Variants in GALNTL6 observed in about 807,000 individuals in gnomAD.
GALNTL6 encodes polypeptide N-acetylgalactosaminyltransferase like 6.
In GALNTL6, 46 loss-of-function variants were observed where a neutral mutation model predicts 73.7. That is an observed-to-expected ratio of 0.62 (90% CI 0.49 to 0.80). The LOEUF (loss-of-function observed/expected upper bound fraction) is 0.80, where lower values mean the gene tolerates loss of function less well. Ranked by LOEUF, GALNTL6 falls within the 30% of genes least tolerant of loss-of-function variation. The pLI is 0.00. For missense variants in GALNTL6, 604 were observed against 755.0 expected (o/e 0.80, Z 2.34); for synonymous variants, 259 against 263.7 (o/e 0.98, Z 0.17).
intron 2 of GALNTL6, among the ~76,000 whole-genome samples, chr4:171,878,256 G>A (rs976172574): frequency 6.6e-6 from 1 of 152,088 alleles, no homozygotes; most frequent in African/African-American, 2.4e-5. Flanking sequence ...GATTATGTTG[G>A]GGCAATATGC....
chr4:172,738,161 A>G (rs998280689), intron 5 of GALNTL6, among the ~76,000 whole-genome samples: 2 of 152,198 alleles, frequency 1.3e-5, no homozygotes, highest in Non-Finnish European at 2.9e-5. Flanking sequence ...AAAATGGGGA[A>G]ATTTGTTGAC....
At chr4:172,405,431 ATATATATATATATTTTTTTTTTTTTTT>A (rs1360170921) in intron 5 of GALNTL6, among the ~76,000 whole-genome samples, 47 of 4,310 alleles carry the variant, frequency 0.011, 1 homozygote, top group South Asian at 0.081. Flanking sequence ...ATATATATAT[ATATATATATATATTTTTTTTTTTTTTT>A]TTTTTTTTCT....
chr4:172,296,608 T>C (rs1010361380), intron 3 of GALNTL6, among the ~76,000 whole-genome samples: 13 of 151,998 alleles, frequency 8.6e-5, no homozygotes, highest in African/African-American at 3.1e-4. Context: ...TGAGAACATG[T>C]GGTGTTTGGT....
intron 2 of GALNTL6, among the ~76,000 whole-genome samples, chr4:172,177,774 CATATATACACATGTGTATAT>C (rs1202519300): frequency 1.0e-5 from 1 of 99,242 alleles, no homozygotes; most frequent in Non-Finnish European, 2.0e-5. Context: ...TATATGTACA[CATATATACACATGTGTATAT>C]ATATACACAC....
At chr4:172,119,417 A>T in intron 2 of GALNTL6, among the ~76,000 whole-genome samples, 1 of 152,196 alleles carries the variant, frequency 6.6e-6, no homozygotes, top group East Asian at 1.9e-4. Context: ...ATGGGTTTTC[A>T]TGCAATGCAC....
intron 5 of GALNTL6, among the ~76,000 whole-genome samples, chr4:172,356,606 T>C (rs1048679041): frequency 3.3e-5 from 5 of 152,186 alleles, no homozygotes; most frequent in African/African-American, 1.2e-4. Context: ...GTTTATGAAA[T>C]GTGTTTTAAC....
rs75819567 is a variant in GALNTL6, at chr4:171,993,620, T to C, written c.138+178902T>C. ...TTTGGTTTAGATAAAACAATGTACT[T>C]AGAGTAGAGGACTGAAAAATAAGGC... is the stretch of plus-strand genomic sequence containing the variant. On this transcript the variant is annotated intron_variant, in intron 2 of 12. Transcript: ENST00000506823. 1.5e-3 allele frequency among the ~76,000 whole-genome samples: 227 copies of C among 152,104 alleles called. 1 individual carries two copies. Among genetic ancestry groups the C allele is most frequent in the African/African-American group, 5.2e-3 (217 of 41,510 alleles).
intron 2 of GALNTL6, among the ~76,000 whole-genome samples, chr4:171,822,740 C>G (rs1413751852): frequency 6.6e-6 from 1 of 152,096 alleles, no homozygotes; most frequent in Non-Finnish European, 1.5e-5. Context: ...GGGAAATAAG[C>G]AATTAAACCA....
At chr4:172,767,669 T>C (rs142615716) in intron 5 of GALNTL6, among the ~76,000 whole-genome samples, 26,864 of 121,908 alleles carry the variant, frequency 0.22, 2,413 homozygotes, top group African/African-American at 0.41. Flanking sequence ...TTTTTTTTCT[T>C]TTTTTTTTTT....
chr4:172,518,091 C>CT lies in GALNTL6; in HGVS notation c.553+169411dup, dbSNP rs898293140. Among the ~76,000 whole-genome samples the CT allele has an allele frequency of 6.6e-5, 10 of 150,690 alleles. 1 individual carries two copies. The South Asian group carries it at 8.4e-4, about 13-fold the overall frequency. On this transcript the variant is annotated intron_variant, in intron 5 of 12. Transcript: ENST00000506823. Reference sequence around the variant, plus strand: ...CTTTTAAGACTATAAATCGTGCTTTCTTTTTTTTTCAAATTATAAAGTTAG... The same window carrying CT: ...CTTTTAAGACTATAAATCGTGCTTTCTTTTTTTTTTCAAATTATAAAGTTAG...
At chr4:172,700,508 A>G (rs1733965085) in intron 5 of GALNTL6, among the ~76,000 whole-genome samples, 1 of 152,266 alleles carries the variant, frequency 6.6e-6, no homozygotes, top group African/African-American at 2.4e-5. Context: ...TACTGAAGGT[A>G]GGATTCTTCA....
intron 2 of GALNTL6, among the ~76,000 whole-genome samples, chr4:172,078,386 C>A (rs1731774513): frequency 6.6e-6 from 1 of 152,130 alleles, no homozygotes; most frequent in Non-Finnish European, 1.5e-5. Context: ...CGTGAGGCCT[C>A]CCTGTCATGC....
rs577245956 is a variant in GALNTL6 at position 172,126,135 on chromosome 4, C to G, written c.139-103521C>G. Reference sequence around the variant, plus strand: ...GAACCATTTTATAATTTTTTAGAAACATGCTTCCCTGTAACATAATTATGT... The same window carrying G: ...GAACCATTTTATAATTTTTTAGAAAGATGCTTCCCTGTAACATAATTATGT... On this transcript the variant is annotated intron_variant, in intron 2 of 12. Transcript: ENST00000506823. 2.9e-4 allele frequency among the ~76,000 whole-genome samples: 44 copies of G among 152,196 alleles called. 1 individual carries two copies. In the South Asian group the frequency reaches 6.6e-3, roughly 23 times the overall value.
chr4:172,818,612 T>C (rs539008118), intron 7 of GALNTL6, among the ~76,000 whole-genome samples: 1 of 152,282 alleles, frequency 6.6e-6, no homozygotes, highest in East Asian at 1.9e-4. Context: ...TCATCCTTTT[T>C]TTTGGAGACA....
chr4:172,595,644 A>G (rs973025172), intron 5 of GALNTL6, among the ~76,000 whole-genome samples: 3 of 152,222 alleles, frequency 2.0e-5, no homozygotes, highest in Admixed American at 6.5e-5. Context: ...TGAAATTCAC[A>G]AATGCCTTCG....
intron 2 of GALNTL6, among the ~76,000 whole-genome samples, chr4:171,979,061 G>A (rs1351265026): frequency 6.6e-6 from 1 of 152,004 alleles, no homozygotes; most frequent in Non-Finnish European, 1.5e-5. Flanking sequence ...ACATTATGCA[G>A]GTCACTTTGC....
intron 5 of GALNTL6, among the ~76,000 whole-genome samples, chr4:172,774,820 C>T (rs886510118): frequency 3.3e-5 from 5 of 151,908 alleles, no homozygotes; most frequent in South Asian, 2.1e-4. Context: ...ATTAGCTGGG[C>T]GTGGCAGCAT....
intron 2 of GALNTL6, among the ~76,000 whole-genome samples, chr4:172,222,797 G>A (rs1736728804): frequency 6.6e-6 from 1 of 151,902 alleles, no homozygotes; most frequent in Non-Finnish European, 1.5e-5. Context: ...CAAGTTCCAG[G>A]TCTTGGTAAG....
chr4:171,985,970 G>A (rs28691762), intron 2 of GALNTL6, among the ~76,000 whole-genome samples: 15,880 of 143,170 alleles, frequency 0.11, 1,375 homozygotes, highest in African/African-American at 0.24. Context: ...TCCAGGAGGC[G>A]GAGGTTGCAG....
Sources: gnomAD v4.1 joint callset for allele counts (sites outside exome capture counted in the v4.1 genomes callset) on GRCh38, gnomAD v4.1.1 for gene constraint, MANE v1.5 for transcripts, NCBI Gene and HGNC (gene_info 2026-07-23, HGNC 2026-07-21) for gene names.